The following RPS6 variants were observed in gnomAD, a reference collection of about 807,000 sequenced individuals.
The protein encoded by RPS6 is small ribosomal subunit protein eS6.
In RPS6, 1 loss-of-function variant was observed where a neutral mutation model predicts 27.1. That is an observed-to-expected ratio of 0.04 (90% CI 0.01 to 0.18). The LOEUF is 0.18. Among genes scored for constraint, RPS6 ranks in the 10% least tolerant of loss-of-function variants. The pLI, the probability that RPS6 is intolerant of heterozygous loss-of-function variation, is 1.00. For missense variants in RPS6, 259 were observed against 319.1 expected (o/e 0.81, Z 1.44); for synonymous variants, 152 against 106.0 (o/e 1.43, Z -2.66).
chr9:19,376,058 C>T lies in RPS6; in HGVS notation c.*235G>A, dbSNP rs1589011725. The T allele has an allele frequency of 3.6e-5, 15 of 419,884 alleles. No homozygotes were observed. In the East Asian group the frequency reaches 5.5e-4, roughly 15 times the overall value. The allele number at this position is 419,884 out of a possible 1,614,324, so 26.0% of individuals were successfully genotyped here. On this transcript the variant is annotated 3_prime_UTR_variant, in exon 6 of 6. Transcript: ENST00000380394. ...ATTCTGAAGAGGCAGGTGTCTTATGCTCAGAATCCCTTCCTGTGCCACCCA... is the reference window on the plus strand; with the variant it reads ...ATTCTGAAGAGGCAGGTGTCTTATGTTCAGAATCCCTTCCTGTGCCACCCA...
In RPS6 at chr9:19,379,634, G is replaced by T; in HGVS notation, c.7-16C>A. On this transcript the variant is annotated splice_polypyrimidine_tract_variant and intron_variant, in intron 1 of 5. Transcript: ENST00000380394. ...AGATGTTCAGCTAAGGATTAAAAGG[G>T]GGGAAATAGTTTACGAAACTATCTA... 6.2e-7 allele frequency: 1 copy of T among 1,607,182 alleles called. No individual in the cohort carries two copies. The highest frequency in any genetic ancestry group is 1.3e-5 in the African/African-American group (1 of 74,670).
At chr9:19,380,018 C>G (rs1829653242) in intron 1 of RPS6, 172 bp downstream of exon 1, 1 of 1,513,394 alleles carries the variant, frequency 6.6e-7, no homozygotes, top group Admixed American at 2.2e-5. Context: ...CAATCGCCTG[C>G]CATCCGTTCG....
At chr9:19,379,445 C>CATTAA (rs1829643310) in intron 2 of RPS6, 42 bp downstream of exon 2, 1 of 1,612,130 alleles carries the variant, frequency 6.2e-7, no homozygotes, top group African/African-American at 1.3e-5. Context: ...TGGCGTTTAC[C>CATTAA]GTCTCTGACT....
chr9:19,379,216 T>G, intron 2 of RPS6: 2 of 1,211,714 alleles, frequency 1.7e-6, no homozygotes, highest in Non-Finnish European at 2.2e-6. Context: ...TTTTGGCACT[T>G]TGGGGATTAT....
intron 4 of RPS6, chr9:19,376,969 AAACCACTTAACACAT>A: frequency 5.2e-6 from 1 of 192,454 alleles, no homozygotes; most frequent in Admixed American, 5.5e-5. Flanking sequence ...TTGTCTGTGA[AAACCACTTAACACAT>A]TATCTACATA....
chr9:19,377,946 C>A (rs183752061), intron 4 of RPS6, among the ~76,000 whole-genome samples: 1 of 152,256 alleles, frequency 6.6e-6, no homozygotes, highest in African/African-American at 2.4e-5. Context: ...CACTTGAGCT[C>A]AAGGGTTCAA....
Position 19,379,463 on chromosome 9 carries a change from C to T in RPS6, c.138+24G>A, listed in dbSNP as rs202000854. ...CGTTTACCGTCTCTGACTTAAATACCTGCAACAATTTGTCAACTTTTACCT... is the reference window on the plus strand; with the variant it reads ...CGTTTACCGTCTCTGACTTAAATACTTGCAACAATTTGTCAACTTTTACCT... On this transcript the variant is annotated intron_variant, in intron 2 of 5. Transcript: ENST00000380394. 3.4e-4 allele frequency: 542 copies of T among 1,613,902 alleles called. 1 individual carries two copies. The African/African-American group carries it at 6.5e-3, about 19-fold the overall frequency.
chr9:19,379,471 A>G lies in RPS6; in HGVS notation c.138+16T>C, dbSNP rs374725963. 3.7e-6 allele frequency: 6 copies of G among 1,613,994 alleles called. No homozygotes were observed. The highest frequency in any genetic ancestry group is 2.2e-5 in the South Asian group (2 of 91,076). Reference sequence around the variant, plus strand: ...GTCTCTGACTTAAATACCTGCAACAATTTGTCAACTTTTACCTTCCATTCT... The same window carrying G: ...GTCTCTGACTTAAATACCTGCAACAGTTTGTCAACTTTTACCTTCCATTCT... On this transcript the variant is annotated intron_variant, in intron 2 of 5. Transcript: ENST00000380394.
chr9:19,376,231 T>C lies in RPS6; in HGVS notation c.*62A>G. On this transcript the variant is annotated 3_prime_UTR_variant, in exon 6 of 6. Coordinates refer to ENST00000380394, the MANE Select transcript of RPS6 (RefSeq NM_001010.3). ...CTCTCTTCATTTATGTAGTTTTCTA[T>C]CAGCAATGAAAAGTCAACAGAGATC... 1 of 1,363,720 alleles carries C rather than the reference T, an allele frequency of 7.3e-7. No homozygotes were observed. Among genetic ancestry groups the C allele is most frequent in the Non-Finnish European group, 1.0e-6 (1 of 973,700 alleles). The allele number at this position is 1,363,720 out of a possible 1,614,324, so 84.5% of individuals were successfully genotyped here.
rs756728142 is a variant in RPS6, at chr9:19,378,721, A to G, written c.336T>C (p.Val112=). The change falls in exon 3 of 6, where the codon GTT becomes GTC. Residue 112 remains valine (V), a synonymous_variant. Transcript: ENST00000380394. ...VDANLSVLNL[V]IVKKGEKDIP... is the part of the protein sequence containing the mutation. ...AGTAACCCTCACCTTTTTTTACAAT[A>G]ACCAAGTTGAGAACGCTCAGATTTG... The G allele has an allele frequency of 1.4e-5, 23 of 1,614,052 alleles. No homozygotes were observed. The highest frequency in any genetic ancestry group is 3.4e-6 in the Non-Finnish European group (4 of 1,179,960).
rs1375985279 is a variant in RPS6, at chr9:19,376,254, A to C, written c.*39T>G. On this transcript the variant is annotated 3_prime_UTR_variant, in exon 6 of 6. Transcript: ENST00000380394. The stretch of plus-strand genomic sequence containing the variant: ...TATCAGCAATGAAAAGTCAACAGAG[A>C]TCAGAGTCTGATCTTATTTATTTGT... 6.6e-7 allele frequency: 1 copy of C among 1,525,762 alleles called. No individual in the cohort carries two copies. The highest frequency in any genetic ancestry group is 1.2e-5 in the South Asian group (1 of 86,088). 94.5% of individuals were successfully genotyped at this position (1,525,762 alleles called of 1,614,324 possible). A position where few individuals can be genotyped will look rare whatever the true frequency, so the allele number is the denominator to read the frequency against.
intron 2 of RPS6, 45 bp downstream of exon 2, chr9:19,379,442 T>C (rs1829643238): frequency 6.2e-7 from 1 of 1,611,786 alleles, no homozygotes; most frequent in African/African-American, 1.3e-5. Context: ...CAATGGCGTT[T>C]ACCGTCTCTG....
In RPS6 at chr9:19,376,926, C is replaced by T. The variant is rs560797560; in HGVS notation, c.497-275G>A. 1.2e-4 allele frequency: 37 copies of T among 306,184 alleles called. No individual in the cohort carries two copies. The Admixed American group carries it at 1.7e-3, about 14-fold the overall frequency. 19.0% of individuals were successfully genotyped at this position (306,184 alleles called of 1,614,324 possible). On this transcript the variant is annotated intron_variant, in intron 4 of 5. Coordinates refer to ENST00000380394, the MANE Select transcript of RPS6 (RefSeq NM_001010.3). Reference sequence around the variant, plus strand: ...TTCCAGTTTTACTAAAATACAGTGGCATTATGTTAATATATAACTGTGCAT... The same window carrying T: ...TTCCAGTTTTACTAAAATACAGTGGTATTATGTTAATATATAACTGTGCAT...
chr9:19,376,846 TAAA>T (rs1829597002), intron 4 of RPS6, 195 bp from the exon 5 acceptor site: 3 of 485,928 alleles, frequency 6.2e-6, no homozygotes, highest in Admixed American at 3.8e-5. Flanking sequence ...TTAAATATTA[TAAA>T]AATATAAGGG....
chr9:19,379,834 C>T (rs1829649751), intron 1 of RPS6: 1 of 1,424,536 alleles, frequency 7.0e-7, no homozygotes. Context: ...TCAAGCCCCG[C>T]GGAATGACTC....
In RPS6 at chr9:19,379,616, C is replaced by A; in HGVS notation, c.9G>T (p.Leu3=). The A allele has an allele frequency of 6.2e-7, 1 of 1,613,008 alleles. No homozygotes were observed. The highest frequency in any genetic ancestry group is 1.1e-5 in the South Asian group (1 of 90,898). Residue 3 remains leucine (L), a splice_region_variant and synonymous_variant, in exon 2 of 6, where the codon CTG becomes CTT. Transcript: ENST00000380394. ...AGCCAGTGGCTGGGAAGGAGATGTT[C>A]AGCTAAGGATTAAAAGGGGGGAAAT... MK[L]NISFPATGCQ... is the part of the protein sequence containing the mutation.
chr9:19,379,262 T>G, intron 2 of RPS6: 1 of 1,439,738 alleles, frequency 6.9e-7, no homozygotes, highest in Non-Finnish European at 9.2e-7. Context: ...AAATGCATGA[T>G]GCAGGGCAAG....
At chr9:19,378,322 C>T in intron 4 of RPS6, 46 bp downstream of exon 4, 1 of 1,594,306 alleles carries the variant, frequency 6.3e-7, no homozygotes, top group South Asian at 1.1e-5. Flanking sequence ...AAATGATAGA[C>T]AAATTACCAA....
chr9:19,376,266 T>G lies in RPS6; in HGVS notation c.*27A>C. ...AAAGTCAACAGAGATCAGAGTCTGA[T>G]CTTATTTATTTGTTACTCAAAAAAT... is the stretch of plus-strand genomic sequence containing the variant. On this transcript the variant is annotated 3_prime_UTR_variant, in exon 6 of 6. Transcript: ENST00000380394. 2 of 1,564,066 alleles carry G rather than the reference T, an allele frequency of 1.3e-6. No individual in the cohort carries two copies. The highest frequency in any genetic ancestry group is 1.8e-5 in the Admixed American group (1 of 57,106).
Sources: allele counts gnomAD v4.1 joint callset (sites outside exome capture counted in the v4.1 genomes callset), GRCh38; gene constraint gnomAD v4.1.1; transcripts MANE v1.5; gene names NCBI Gene and HGNC (gene_info 2026-07-23, HGNC 2026-07-21).